The following HPS6 variants were observed in gnomAD, a reference collection of about 807,000 sequenced individuals.
HPS6 encodes the protein BLOC-2 complex member HPS6.
HPS6 carries 46 observed loss-of-function variants against 53.6 expected under a neutral mutation model. That is an observed-to-expected ratio of 0.86 (90% CI 0.68 to 1.10). HPS6 has a LOEUF of 1.10. HPS6 is among the 50% of genes least tolerant of loss of function. The probability of loss-of-function intolerance (pLI) is 0.00; values close to 1 mark genes in which losing one functional copy is unlikely to be tolerated. For missense variants in HPS6, 1,034 were observed against 991.3 expected, an observed-to-expected ratio of 1.04 and a Z score of -0.58; for synonymous variants, 535 against 470.8, an observed-to-expected ratio of 1.14 and a Z score of -1.77.
chr10:102,066,139 G>T lies in HPS6; in HGVS notation c.665G>T (p.Gly222Val), dbSNP rs1443422791. ...VAHVLLIWSP[G>V]KGKVMVAAPR... Reference sequence around the variant, plus strand: ...CACGTTCTACTCATCTGGAGCCCAGGCAAGGGCAAAGTGATGGTGGCTGCC... The same window carrying T: ...CACGTTCTACTCATCTGGAGCCCAGTCAAGGGCAAAGTGATGGTGGCTGCC... The change falls in exon 1 of 1, where the codon GGC becomes GTC. Residue 222 changes from glycine to valine, a missense_variant. By Grantham distance (109) the Gly-to-Val change is moderately radical. Coordinates refer to ENST00000299238, the MANE Select transcript of HPS6 (RefSeq NM_024747.6). 1 of 1,613,792 alleles carries T rather than the reference G, an allele frequency of 6.2e-7. No individual in the cohort carries two copies. The highest frequency in any genetic ancestry group is 1.1e-5 in the South Asian group (1 of 91,088).
chr10:102,067,935 G>A lies in HPS6; in HGVS notation c.*133G>A. ...ACAGTGATCAGGGAAGGGTGCCTGGGACTTGGAGGGTCCCATGTATGGACC... is the reference window on the plus strand; with the variant it reads ...ACAGTGATCAGGGAAGGGTGCCTGGAACTTGGAGGGTCCCATGTATGGACC... On this transcript the variant is annotated 3_prime_UTR_variant, in exon 1 of 1. Transcript: ENST00000299238. The A allele has an allele frequency of 1.9e-6, 2 of 1,047,698 alleles. No individual in the cohort carries two copies. Among genetic ancestry groups the A allele is most frequent in the South Asian group, 1.3e-5 (1 of 76,662 alleles). 64.9% of individuals were successfully genotyped at this position (1,047,698 alleles called of 1,614,324 possible).
Position 102,068,008 on chromosome 10 carries a change from T to C in HPS6, c.*206T>C. ...CATCTGGAGCTATTTTTAAGATGTG[T>C]GTGTTAAATATATACATAGTTTAAT... On this transcript the variant is annotated 3_prime_UTR_variant, in exon 1 of 1. Transcript: ENST00000299238. The C allele has an allele frequency of 3.0e-6, 2 of 660,618 alleles. No homozygotes were observed. The highest frequency in any genetic ancestry group is 5.5e-6 in the Non-Finnish European group (2 of 361,530). 40.9% of individuals were successfully genotyped at this position (660,618 alleles called of 1,614,324 possible). A position where few individuals can be genotyped will look rare whatever the true frequency, so the allele number is the denominator to read the frequency against.
At position 102,065,730 on chromosome 10, in the gene HPS6, T is replaced by TGGCCAGCGC; in HGVS notation, c.261_269dup (p.Arg89_Ala91dup). The TGGCCAGCGC allele has an allele frequency of 1.3e-6, 2 of 1,502,368 alleles. No homozygotes were observed. Among genetic ancestry groups the TGGCCAGCGC allele is most frequent in the Non-Finnish European group, 1.8e-6 (2 of 1,133,554 alleles). The allele number at this position is 1,502,368 out of a possible 1,614,324, so 93.1% of individuals were successfully genotyped here. ...CCCGCTGGACGCCTTCTTCCTGCCG[T>TGGCCAGCGC]GGCCAGCGCGGCCGGCGCTGGTGCT... On this transcript the variant is annotated inframe_insertion, in exon 1 of 1. Transcript: ENST00000299238.
In HPS6 at chr10:102,067,980, T is replaced by A; in HGVS notation, c.*178T>A. On this transcript the variant is annotated 3_prime_UTR_variant, in exon 1 of 1. Coordinates refer to ENST00000299238, the MANE Select transcript of HPS6 (RefSeq NM_024747.6). Reference sequence around the variant, plus strand: ...TGGACCTGTGTATGCAATACTGTTCTGTCATCTGGAGCTATTTTTAAGATG... The same window carrying A: ...TGGACCTGTGTATGCAATACTGTTCAGTCATCTGGAGCTATTTTTAAGATG... 2.8e-6 allele frequency: 2 copies of A among 707,448 alleles called. No individual in the cohort carries two copies. The highest frequency in any genetic ancestry group is 5.1e-6 in the Non-Finnish European group (2 of 389,702). The allele number at this position is 707,448 out of a possible 1,614,324, so 43.8% of individuals were successfully genotyped here. A position where few individuals can be genotyped will look rare whatever the true frequency, so the allele number is the denominator to read the frequency against.
In HPS6 at chr10:102,065,417, G is replaced by T. The variant is rs568093725; in HGVS notation, c.-58G>T. 3.3e-6 allele frequency: 5 copies of T among 1,494,996 alleles called. No homozygotes were observed. The highest frequency in any genetic ancestry group is 2.5e-5 in the South Asian group (2 of 80,368). 92.6% of individuals were successfully genotyped at this position (1,494,996 alleles called of 1,614,324 possible). A position where few individuals can be genotyped will look rare whatever the true frequency, so the allele number is the denominator to read the frequency against. ...TCCGCTCCCCCGAGAATCGGGCCTC[G>T]CCCTGCTGGGCGGCTGGACCTGGGC... On this transcript the variant is annotated 5_prime_UTR_variant, in exon 1 of 1. Coordinates refer to ENST00000299238, the MANE Select transcript of HPS6 (RefSeq NM_024747.6).
Position 102,067,706 on chromosome 10 carries a change from G to T in HPS6, c.2232G>T (p.Gly744=). ...TCAAAGCCCTGCTGGAGCAGACTGG[G>T]GCTCAAGGATGGCTGTCGGGCCCAG... ...GLLKALLEQT[G]AQGWLSGPVL... is the part of the protein sequence containing the mutation. Residue 744 remains glycine, a synonymous_variant, in exon 1 of 1, where the codon GGG becomes GGT. Transcript: ENST00000299238. 4 of 1,613,686 alleles carry T rather than the reference G, an allele frequency of 2.5e-6. No individual in the cohort carries two copies. Among genetic ancestry groups the T allele is most frequent in the Non-Finnish European group, 3.4e-6 (4 of 1,180,022 alleles).
chr10:102,067,518 C>A lies in HPS6; in HGVS notation c.2044C>A (p.Arg682Ser), dbSNP rs749139864. ...KLLLAEFAQH[R>S]RLDAHLPLLC... is the part of the protein sequence containing the mutation. ...GCTGCTGGCCGAGTTTGCCCAGCAC[C>A]GCCGGCTTGATGCTCACCTCCCCCT... is the stretch of plus-strand genomic sequence containing the variant. Residue 682 changes from arginine (R) to serine (S), a missense_variant, in exon 1 of 1, where the codon CGC becomes AGC. Transcript: ENST00000299238. 1 of 1,613,734 alleles carries A rather than the reference C, an allele frequency of 6.2e-7. No individual in the cohort carries two copies. The highest frequency in any genetic ancestry group is 8.5e-7 in the Non-Finnish European group (1 of 1,180,040).
Position 102,067,828 on chromosome 10 carries a change from A to AGGGCCTGGAGGCTTGCTT in HPS6, c.*30_*47dup. ...CTACCCTTCAGGCATCAGAACACTCAGGGCCTGGAGGCTTGCTTGGGACTG... is the reference window on the plus strand; with the variant it reads ...CTACCCTTCAGGCATCAGAACACTCAGGGCCTGGAGGCTTGCTTGGGCCTGGAGGCTTGCTTGGGACTG... On this transcript the variant is annotated 3_prime_UTR_variant, in exon 1 of 1. Transcript: ENST00000299238. 6.2e-7 allele frequency: 1 copy of AGGGCCTGGAGGCTTGCTT among 1,612,108 alleles called. No homozygotes were observed. The highest frequency in any genetic ancestry group is 8.5e-7 in the Non-Finnish European group (1 of 1,179,208).
chr10:102,066,375 G>A lies in HPS6; in HGVS notation c.901G>A (p.Val301Met), dbSNP rs749072267. ...GCAGTCCCACGGTGGTACGCGGGCTGTGGGCACCCTGCAGGAGGCACCTGT... is the reference window on the plus strand; with the variant it reads ...GCAGTCCCACGGTGGTACGCGGGCTATGGGCACCCTGCAGGAGGCACCTGT... ...LLQSHGGTRA[V>M]GTLQEAPVGP... is the part of the protein sequence containing the mutation. The change falls in exon 1 of 1, where the codon GTG becomes ATG. Residue 301 changes from valine (V) to methionine (M), a missense_variant. By Grantham distance (21) the Val-to-Met change is conservative (BLOSUM62 1). Coordinates refer to ENST00000299238, the MANE Select transcript of HPS6 (RefSeq NM_024747.6). 3 of 1,613,994 alleles carry A rather than the reference G, an allele frequency of 1.9e-6. No homozygotes were observed. The South Asian group carries it at 3.3e-5, about 18-fold the overall frequency.
rs369207861 is a variant in HPS6 at position 102,067,438 on chromosome 10, C to T, written c.1964C>T (p.Ala655Val). The change falls in exon 1 of 1, where the codon GCT becomes GTT. Residue 655 changes from alanine (A) to valine (V), a missense_variant. Physicochemically the swap from Ala to Val is moderately conservative, Grantham distance 64. Transcript: ENST00000299238. ...GAACAATGGGATCGGGCTCTGGATG[C>T]TGGCCTGGCCCTCGGCCCCTCCAGT... is the stretch of plus-strand genomic sequence containing the variant. The part of the protein sequence containing the change: ...QKEQWDRALD[A>V]GLALGPSSPL... 12 of 1,613,316 alleles carry T rather than the reference C, an allele frequency of 7.4e-6. No individual in the cohort carries two copies. Among genetic ancestry groups the T allele is most frequent in the Middle Eastern group, 3.3e-4 (2 of 6,062 alleles).
rs560233644 is a variant in HPS6, at chr10:102,066,515, C to T, written c.1041C>T (p.Val347=). The T allele has an allele frequency of 6.2e-7, 1 of 1,614,180 alleles. No individual in the cohort carries two copies. The highest frequency in any genetic ancestry group is 1.3e-5 in the African/African-American group (1 of 75,054). The part of the protein sequence containing the change: ...MGSGQLLERK[V]LSTDRVHLLE... ...GTGGGCAGCTGCTGGAGAGGAAGGTCCTAAGTACAGACAGGGTACATCTGC... is the reference window on the plus strand; with the variant it reads ...GTGGGCAGCTGCTGGAGAGGAAGGTTCTAAGTACAGACAGGGTACATCTGC... Residue 347 remains valine, a synonymous_variant, in exon 1 of 1, where the codon GTC becomes GTT. Transcript: ENST00000299238.
In HPS6 at chr10:102,067,459, C is replaced by G; in HGVS notation, c.1985C>G (p.Ser662Cys). The change falls in exon 1 of 1, where the codon TCC becomes TGC. Residue 662 changes from serine to cysteine, a missense_variant. Transcript: ENST00000299238. ...GATGCTGGCCTGGCCCTCGGCCCCT[C>G]CAGTCCCCTGCTTCGAAGTGAAATC... is the stretch of plus-strand genomic sequence containing the variant. ...ALDAGLALGPSSPLLRSEIFK... is the reference protein window; with the variant it reads ...ALDAGLALGPCSPLLRSEIFK... 6.2e-7 allele frequency: 1 copy of G among 1,613,628 alleles called. No homozygotes were observed. The highest frequency in any genetic ancestry group is 8.5e-7 in the Non-Finnish European group (1 of 1,180,004).
chr10:102,066,919 G>C lies in HPS6; in HGVS notation c.1445G>C (p.Trp482Ser). The C allele has an allele frequency of 6.2e-7, 1 of 1,614,204 alleles. No individual in the cohort carries two copies. The highest frequency in any genetic ancestry group is 8.5e-7 in the Non-Finnish European group (1 of 1,180,032). ...LVAGDDEEAG[W>S]TELAEQEVAR... ...GCTGGGGATGATGAGGAGGCTGGTTGGACTGAGCTGGCGGAGCAGGAAGTG... is the reference window on the plus strand; with the variant it reads ...GCTGGGGATGATGAGGAGGCTGGTTCGACTGAGCTGGCGGAGCAGGAAGTG... Residue 482 changes from tryptophan to serine, a missense_variant, in exon 1 of 1, where the codon TGG becomes TCG. Physicochemically the swap from Trp to Ser is radical, Grantham distance 177 (BLOSUM62 -3). Transcript: ENST00000299238.
chr10:102,065,782 TGTGGGGCGCGGGC>T lies in HPS6; in HGVS notation c.316_328del (p.Ala106LeufsTer117). On this transcript the variant is annotated frameshift_variant, in exon 1 of 1. Transcript: ENST00000299238. LOFTEE classifies it high-confidence loss of function. Reference sequence around the variant, plus strand: ...GTGTGGGAGAGTGGCCTGGCCGAGGTGTGGGGCGCGGGCGTGGGGCCTGGCTGGCGGCCGCTGC... The same window carrying T: ...GTGTGGGAGAGTGGCCTGGCCGAGGTGTGGGGCCTGGCTGGCGGCCGCTGC... 6.7e-7 allele frequency: 1 copy of T among 1,494,652 alleles called. No individual in the cohort carries two copies. The allele number at this position is 1,494,652 out of a possible 1,614,324, so 92.6% of individuals were successfully genotyped here.
In HPS6 at chr10:102,066,597, C is replaced by T. The variant is rs2067972335; in HGVS notation, c.1123C>T (p.Leu375Phe). 6.2e-7 allele frequency: 1 copy of T among 1,614,092 alleles called. No homozygotes were observed. The highest frequency in any genetic ancestry group is 1.7e-5 in the Admixed American group (1 of 60,032). The change falls in exon 1 of 1, where the codon CTT becomes TTT. Residue 375 changes from leucine (L) to phenylalanine (F), a missense_variant. Coordinates refer to ENST00000299238, the MANE Select transcript of HPS6 (RefSeq NM_024747.6). ...GGAAGAGCTGGAGACCCGAGGGAAT[C>T]TTCGTCTGCTTTCAGCCTTGGGTCT... ...DEEELETRGN[L>F]RLLSALGLFC... is the part of the protein sequence containing the mutation.
rs553831172 is a variant in HPS6 at position 102,067,439 on chromosome 10, T to C, written c.1965T>C (p.Ala655=). ...AACAATGGGATCGGGCTCTGGATGC[T>C]GGCCTGGCCCTCGGCCCCTCCAGTC... is the stretch of plus-strand genomic sequence containing the variant. ...QKEQWDRALD[A]GLALGPSSPL... The change falls in exon 1 of 1, where the codon GCT becomes GCC. Residue 655 remains alanine (A), a synonymous_variant. Coordinates refer to ENST00000299238, the MANE Select transcript of HPS6 (RefSeq NM_024747.6). 6.2e-7 allele frequency: 1 copy of C among 1,613,416 alleles called. No individual in the cohort carries two copies. The highest frequency in any genetic ancestry group is 8.5e-7 in the Non-Finnish European group (1 of 1,180,008).
At position 102,068,026 on chromosome 10, in the gene HPS6, A is replaced by C; in HGVS notation, c.*224A>C. 1.6e-6 allele frequency: 1 copy of C among 633,422 alleles called. No homozygotes were observed. The highest frequency in any genetic ancestry group is 2.9e-6 in the Non-Finnish European group (1 of 346,220). The allele number at this position is 633,422 out of a possible 1,614,324, so 39.2% of individuals were successfully genotyped here. ...AGATGTGTGTGTTAAATATATACAT[A>C]GTTTAATATATACACAGTTGTGTGT... On this transcript the variant is annotated 3_prime_UTR_variant, in exon 1 of 1. Coordinates refer to ENST00000299238, the MANE Select transcript of HPS6 (RefSeq NM_024747.6).
rs756325364 is a variant in HPS6, at chr10:102,066,297, C to T, written c.823C>T (p.Pro275Ser). 11 of 1,613,904 alleles carry T rather than the reference C, an allele frequency of 6.8e-6. No homozygotes were observed. The East Asian group carries it at 1.6e-4, about 23-fold the overall frequency. Residue 275 changes from proline (P) to serine (S), a missense_variant, in exon 1 of 1, where the codon CCA (proline) becomes TCA (serine). Pro to Ser is a moderately conservative substitution (Grantham distance 74, BLOSUM62 -1). Transcript: ENST00000299238. ...GCCACTGGCTGTACACACCTGGGCCCCAACTCCCCAGGGCCTGCTGTTGCT... is the reference window on the plus strand; with the variant it reads ...GCCACTGGCTGTACACACCTGGGCCTCAACTCCCCAGGGCCTGCTGTTGCT... Reference protein sequence around the residue: ...REPLAVHTWAPTPQGLLLLDF... With the variant: ...REPLAVHTWASTPQGLLLLDF...
In HPS6 at chr10:102,066,628, G is replaced by C. The variant is rs766044933; in HGVS notation, c.1154G>C (p.Cys385Ser). The C allele has an allele frequency of 3.1e-6, 5 of 1,613,852 alleles. No homozygotes were observed. Among genetic ancestry groups the C allele is most frequent in the Non-Finnish European group, 4.2e-6 (5 of 1,180,044 alleles). ...CTGCTTTCAGCCTTGGGTCTGTTTT[G>C]TGTGGGCTGGGAAGCCCCACAGGGT... is the stretch of plus-strand genomic sequence containing the variant. ...LRLLSALGLF[C>S]VGWEAPQGVE... The change falls in exon 1 of 1, where the codon TGT (cysteine) becomes TCT (serine). Residue 385 changes from cysteine to serine, a missense_variant. Transcript: ENST00000299238.
Sources: gnomAD v4.1 joint callset for allele counts on GRCh38, gnomAD v4.1.1 for gene constraint, MANE v1.5 for transcripts, NCBI Gene and HGNC (gene_info 2026-07-23, HGNC 2026-07-21) for gene names.